AUTS2: variants seen among roughly 807,000 people sequenced by gnomAD.
AUTS2 encodes the protein autism susceptibility gene 2 protein.
A neutral mutation model predicts 112.4 loss-of-function variants in AUTS2; 17 were observed. The ratio of observed to expected loss-of-function variants is 0.15; its 90% CI spans 0.10 to 0.23. The LOEUF is 0.23. Among genes scored for constraint, AUTS2 ranks in the 10% least tolerant of loss-of-function variants. AUTS2 has a pLI of 1.00. For missense variants in AUTS2, 1,510 were observed against 1,701.6 expected, an observed-to-expected ratio of 0.89 and a Z score of 1.98; for synonymous variants, 751 against 702.7, an observed-to-expected ratio of 1.07 and a Z score of -1.09.
At chr7:70,379,899 A>C (rs1793291103) in intron 4 of AUTS2, among the ~76,000 whole-genome samples, 1 of 152,202 alleles carries the variant, frequency 6.6e-6, no homozygotes, top group Non-Finnish European at 1.5e-5. Flanking sequence ...GCTGTACCAG[A>C]GGCAAATAAC....
intron 6 of AUTS2, among the ~76,000 whole-genome samples, chr7:70,710,864 T>C (rs903967462): frequency 2.6e-5 from 4 of 152,248 alleles, no homozygotes; most frequent in Admixed American, 6.5e-5. Flanking sequence ...GATGATAAAC[T>C]ACACTTTGTG....
rs3911826 is a variant in AUTS2, at chr7:70,294,723, G to T, written c.661-141029G>T. 6.2e-3 allele frequency among the ~76,000 whole-genome samples: 944 copies of T among 152,278 alleles called. 42 individuals carry two copies. Among genetic ancestry groups the T allele is most frequent in the Admixed American group, 0.049 (743 of 15,292 alleles). Reference sequence around the variant, plus strand: ...GCCCAGAGGACTTTGATATCCAGTGGTGATAATAGACAAGGCCTGTCTTCC... The same window carrying T: ...GCCCAGAGGACTTTGATATCCAGTGTTGATAATAGACAAGGCCTGTCTTCC... On this transcript the variant is annotated intron_variant, in intron 4 of 18. Coordinates refer to ENST00000342771, the MANE Select transcript of AUTS2 (RefSeq NM_015570.4).
chr7:70,115,178 A>G (rs1394066777), intron 2 of AUTS2, among the ~76,000 whole-genome samples: 1 of 152,154 alleles, frequency 6.6e-6, no homozygotes, highest in Non-Finnish European at 1.5e-5. Flanking sequence ...GTGCCTTGGT[A>G]AAGTCATCAT....
At chr7:69,799,663 TA>T (rs2129335612) in intron 1 of AUTS2, among the ~76,000 whole-genome samples, 1 of 152,348 alleles carries the variant, frequency 6.6e-6, no homozygotes, top group East Asian at 1.9e-4. Context: ...ATAACCTGCA[TA>T]ATCATACATG....
intron 1 of AUTS2, among the ~76,000 whole-genome samples, chr7:69,878,481 C>T (rs913350131): frequency 4.6e-5 from 7 of 152,144 alleles, no homozygotes; most frequent in African/African-American, 1.2e-4. Context: ...CTCCTTGTTT[C>T]ATTGTCTCTC....
chr7:70,196,770 C>T (rs1464291385), intron 4 of AUTS2, among the ~76,000 whole-genome samples: 3 of 152,168 alleles, frequency 2.0e-5, no homozygotes, highest in South Asian at 4.2e-4. Context: ...AACTTTTGTG[C>T]ACATTGTGGA....
intron 4 of AUTS2, among the ~76,000 whole-genome samples, chr7:70,348,574 G>A (rs1408280164): frequency 6.6e-6 from 1 of 152,146 alleles, no homozygotes; most frequent in Non-Finnish European, 1.5e-5. Flanking sequence ...GGAGGCCGAG[G>A]CGGGTGGATC....
chr7:70,386,943 C>T (rs1793637804), intron 4 of AUTS2, among the ~76,000 whole-genome samples: 1 of 152,154 alleles, frequency 6.6e-6, no homozygotes, highest in Non-Finnish European at 1.5e-5. Flanking sequence ...ATTTAAATAA[C>T]CAAGTGTTCA....
chr7:69,958,893 G>A (rs945070158), intron 2 of AUTS2, among the ~76,000 whole-genome samples: 6 of 152,166 alleles, frequency 3.9e-5, no homozygotes, highest in Non-Finnish European at 7.4e-5. Flanking sequence ...GAAAGCCAGA[G>A]TATTCCTTGA....
intron 2 of AUTS2, among the ~76,000 whole-genome samples, chr7:70,077,617 A>C (rs551159210): frequency 2.6e-5 from 4 of 152,172 alleles, no homozygotes; most frequent in Non-Finnish European, 5.9e-5. Context: ...CATAATGAAA[A>C]CATTTGGAAG....
At chr7:70,068,716 G>A (rs1465636657) in intron 2 of AUTS2, among the ~76,000 whole-genome samples, 3 of 152,144 alleles carry the variant, frequency 2.0e-5, no homozygotes, top group African/African-American at 7.2e-5. Context: ...CAAACAACAA[G>A]GTGATTAATG....
chr7:70,774,247 T>C (rs1790545977), intron 12 of AUTS2, 148 bp downstream of exon 12: 1 of 715,242 alleles, frequency 1.4e-6, no homozygotes, highest in East Asian at 2.7e-5. Context: ...AAAATGCCAA[T>C]TACTCTTAGA....
At chr7:70,726,532 G>A (rs1321904164) in intron 6 of AUTS2, among the ~76,000 whole-genome samples, 3 of 152,130 alleles carry the variant, frequency 2.0e-5, no homozygotes, top group Admixed American at 6.5e-5. Context: ...AATACTAACA[G>A]TAGGAGGAAA....
intron 1 of AUTS2, among the ~76,000 whole-genome samples, chr7:69,732,173 C>T (rs1786826146): frequency 6.6e-6 from 1 of 152,018 alleles, no homozygotes; most frequent in African/African-American, 2.4e-5. Context: ...GGTGCTGTGC[C>T]AGGCTAATTA....
intron 4 of AUTS2, among the ~76,000 whole-genome samples, chr7:70,172,185 T>C (rs1351644191): frequency 6.6e-6 from 1 of 152,150 alleles, no homozygotes; most frequent in Non-Finnish European, 1.5e-5. Context: ...GAGTGGTGGA[T>C]CTATGGCCTG....
At chr7:70,435,662 T>C (rs919683928) in intron 4 of AUTS2, 90 bp from the exon 5 acceptor site, 104 of 1,326,004 alleles carry the variant, frequency 7.8e-5, no homozygotes, top group Non-Finnish European at 1.1e-4. Flanking sequence ...TCTTGCACTT[T>C]TTTTGTATGG....
At chr7:70,262,438 C>A (rs896006957) in intron 4 of AUTS2, among the ~76,000 whole-genome samples, 4 of 152,122 alleles carry the variant, frequency 2.6e-5, no homozygotes, top group African/African-American at 9.7e-5. Context: ...GATCCACCCC[C>A]CTCCGCCTTT....
At chr7:69,727,681 G>A (rs1034430799) in intron 1 of AUTS2, among the ~76,000 whole-genome samples, 2 of 152,116 alleles carry the variant, frequency 1.3e-5, no homozygotes, top group Admixed American at 6.5e-5. Flanking sequence ...CTGCTTCACT[G>A]ATTTATTTGT....
At chr7:70,750,518 A>G (rs1788749852) in intron 6 of AUTS2, among the ~76,000 whole-genome samples, 1 of 151,386 alleles carries the variant, frequency 6.6e-6, no homozygotes, top group South Asian at 2.1e-4. Flanking sequence ...CTCCCACCTC[A>G]GCCTCCTGAG....
Sources: gnomAD v4.1 joint callset for allele counts (sites outside exome capture counted in the v4.1 genomes callset) on GRCh38, gnomAD v4.1.1 for gene constraint, MANE v1.5 for transcripts, NCBI Gene and HGNC (gene_info 2026-07-23, HGNC 2026-07-21) for gene names.